SEMA6D: variants seen among roughly 807,000 people sequenced by gnomAD.
SEMA6D encodes the protein semaphorin-6D.
In SEMA6D, 35 loss-of-function variants were observed where a neutral mutation model predicts 106.6. The ratio of observed to expected loss-of-function variants is 0.33; its 90% CI spans 0.25 to 0.44. The LOEUF (loss-of-function observed/expected upper bound fraction) is 0.44, where lower values mean the gene tolerates loss of function less well. Among genes scored for constraint, SEMA6D ranks in the 20% least tolerant of loss-of-function variants. The probability of loss-of-function intolerance (pLI) is 1.00; values close to 1 mark genes in which losing one functional copy is unlikely to be tolerated. For missense variants in SEMA6D, 1,185 were observed against 1,345.9 expected (o/e 0.88, Z 1.87); for synonymous variants, 499 against 487.7 (o/e 1.02, Z -0.31).
chr15:47,502,273 C>G (rs1374035361), intron 3 of SEMA6D, among the ~76,000 whole-genome samples: 3 of 152,188 alleles, frequency 2.0e-5, no homozygotes, highest in Non-Finnish European at 4.4e-5. Flanking sequence ...GGACCCATCT[C>G]TCTACAAGGG....
At chr15:47,282,655 C>T (rs1439181320) in intron 1 of SEMA6D, among the ~76,000 whole-genome samples, 1 of 151,966 alleles carries the variant, frequency 6.6e-6, no homozygotes. Flanking sequence ...ATTTCAAAGC[C>T]ACTCAAGGAA....
intron 1 of SEMA6D, among the ~76,000 whole-genome samples, chr15:47,391,264 C>T (rs931892494): frequency 1.3e-5 from 2 of 152,200 alleles, no homozygotes; most frequent in Non-Finnish European, 2.9e-5. Flanking sequence ...ACTGGCAGAG[C>T]TATGGCCAAA....
chr15:47,433,136 A>G (rs1438845514), intron 2 of SEMA6D, among the ~76,000 whole-genome samples: 3 of 152,010 alleles, frequency 2.0e-5, no homozygotes, highest in African/African-American at 7.2e-5. Flanking sequence ...ATATTTACCA[A>G]TTTTGATAAA....
At chr15:47,563,629 A>G (rs1293931811) in intron 3 of SEMA6D, among the ~76,000 whole-genome samples, 1 of 152,114 alleles carries the variant, frequency 6.6e-6, no homozygotes, top group East Asian at 1.9e-4. Context: ...TCTTCTCTGT[A>G]TTATAATTAA....
At chr15:47,746,984 G>GTGTGTATATATATATATATATATATATA (rs1401767590) in intron 1 of SEMA6D, among the ~76,000 whole-genome samples, 3 of 122,042 alleles carry the variant, frequency 2.5e-5, no homozygotes. Context: ...GTGTGTGTGT[G>GTGTGTATATATATATATATATATATATA]TATATATATA....
intron 1 of SEMA6D, among the ~76,000 whole-genome samples, chr15:47,293,522 G>T (rs2035677953): frequency 6.6e-6 from 1 of 152,174 alleles, no homozygotes; most frequent in Admixed American, 6.5e-5. Context: ...GACTAGCACA[G>T]CTGTCTGTAC....
In SEMA6D at chr15:47,772,168, A is replaced by G. The variant is rs2082655738; in HGVS notation, c.*383A>G. On this transcript the variant is annotated 3_prime_UTR_variant, in exon 19 of 19. Transcript: ENST00000536845. ...TGTGGTCTTCCCATTAAATGTGAAC[A>G]TTTTAATATGTATGCATTCACCTTG... is the stretch of plus-strand genomic sequence containing the variant. 1 of 177,736 alleles carries G rather than the reference A, an allele frequency of 5.6e-6. No individual in the cohort carries two copies. The highest frequency in any genetic ancestry group is 2.6e-3 in the Middle Eastern group (1 of 382). 11.0% of individuals were successfully genotyped at this position (177,736 alleles called of 1,614,324 possible). A position where few individuals can be genotyped will look rare whatever the true frequency, so the allele number is the denominator to read the frequency against.
chr15:47,503,871 G>A (rs769328942), intron 3 of SEMA6D, among the ~76,000 whole-genome samples: 2 of 152,122 alleles, frequency 1.3e-5, no homozygotes, highest in African/African-American at 4.8e-5. Flanking sequence ...TAACCAAAAG[G>A]CCGAGAGAGA....
chr15:47,586,888 G>GTTT (rs35584206), intron 3 of SEMA6D, among the ~76,000 whole-genome samples: 52,746 of 122,770 alleles, frequency 0.43, 12,351 homozygotes, highest in East Asian at 0.65. Flanking sequence ...AATTTGACAG[G>GTTT]TTTTTTTTTT....
intron 2 of SEMA6D, among the ~76,000 whole-genome samples, chr15:47,433,149 C>A (rs1346454057): frequency 6.6e-6 from 1 of 151,916 alleles, no homozygotes; most frequent in African/African-American, 2.4e-5. Flanking sequence ...TTGATAAATG[C>A]TATTGGTTCT....
chr15:47,771,056 A>G lies in SEMA6D; in HGVS notation c.2493A>G (p.Pro831=), dbSNP rs769597480. ...HGHIPSAIVL[P]NATHDYNTSF... ...ATATCCCCAGTGCCATTGTTCTTCCAAATGCTACCCATGACTACAACACGT... is the reference window on the plus strand; with the variant it reads ...ATATCCCCAGTGCCATTGTTCTTCCGAATGCTACCCATGACTACAACACGT... Residue 831 remains proline (P), a synonymous_variant, in exon 19 of 19, where the codon CCA becomes CCG. Transcript: ENST00000536845. The G allele has an allele frequency of 8.7e-6, 14 of 1,614,026 alleles. No individual in the cohort carries two copies. The highest frequency in any genetic ancestry group is 2.5e-6 in the Non-Finnish European group (3 of 1,180,012).
chr15:47,242,565 A>G (rs2032975804), intron 1 of SEMA6D, among the ~76,000 whole-genome samples: 1 of 152,198 alleles, frequency 6.6e-6, no homozygotes, highest in African/African-American at 2.4e-5. Flanking sequence ...ATATGTATGA[A>G]AACTTGGGGG....
chr15:47,442,662 A>G (rs1284572490), intron 2 of SEMA6D, among the ~76,000 whole-genome samples: 3 of 152,132 alleles, frequency 2.0e-5, no homozygotes, highest in East Asian at 3.9e-4. Context: ...GCCATCTTCC[A>G]GACTGGAAAG....
At chr15:47,263,308 G>T (rs1367555662) in intron 1 of SEMA6D, among the ~76,000 whole-genome samples, 1 of 152,038 alleles carries the variant, frequency 6.6e-6, no homozygotes, top group East Asian at 1.9e-4. Flanking sequence ...TCTGACAAAG[G>T]TCTAATATCC....
At chr15:47,698,151 C>G (rs1182215582) in intron 4 of SEMA6D, among the ~76,000 whole-genome samples, 1 of 152,056 alleles carries the variant, frequency 6.6e-6, no homozygotes, top group Admixed American at 6.6e-5. Flanking sequence ...TTAGGGAGAT[C>G]CCTTTGAGAT....
At chr15:47,704,616 T>C (rs1354926239) in intron 4 of SEMA6D, among the ~76,000 whole-genome samples, 1 of 151,922 alleles carries the variant, frequency 6.6e-6, no homozygotes, top group Non-Finnish European at 1.5e-5. Context: ...GAGGCTCATG[T>C]GGGAGGACTG....
chr15:47,642,644 G>A (rs1023258767), intron 4 of SEMA6D, among the ~76,000 whole-genome samples: 2 of 152,132 alleles, frequency 1.3e-5, no homozygotes, highest in Admixed American at 6.6e-5. Context: ...TGGCCCAGCC[G>A]GGAGTCTGTG....
intron 3 of SEMA6D, among the ~76,000 whole-genome samples, chr15:47,563,870 G>A (rs372470139): frequency 2.0e-5 from 3 of 152,052 alleles, no homozygotes; most frequent in Admixed American, 1.3e-4. Flanking sequence ...ATAACTCTTC[G>A]GCCAATGTCC....
At chr15:47,652,764 G>T (rs1202045403) in intron 4 of SEMA6D, among the ~76,000 whole-genome samples, 2 of 152,146 alleles carry the variant, frequency 1.3e-5, no homozygotes, top group African/African-American at 4.8e-5. Flanking sequence ...GCTATAATTG[G>T]CTCATTGGTG....
Sources: allele counts gnomAD v4.1 joint callset (sites outside exome capture counted in the v4.1 genomes callset), GRCh38; gene constraint gnomAD v4.1.1; transcripts MANE v1.5; gene names NCBI Gene and HGNC (gene_info 2026-07-23, HGNC 2026-07-21).